LHFPL6: variants seen among roughly 807,000 people sequenced by gnomAD.
The protein encoded by LHFPL6 is LHFPL tetraspan subfamily member 6 protein.
A neutral mutation model predicts 20.6 loss-of-function variants in LHFPL6; 9 were observed. The ratio of observed to expected loss-of-function variants is 0.44; its 90% CI spans 0.26 to 0.76. The LOEUF is 0.76. LHFPL6 is among the 30% of genes least tolerant of loss of function. The pLI is 0.20. For missense variants in LHFPL6, 218 were observed against 253.5 expected, an observed-to-expected ratio of 0.86 and a Z score of 0.95; for synonymous variants, 105 against 98.7, an observed-to-expected ratio of 1.06 and a Z score of -0.38.
intron 2 of LHFPL6, among the ~76,000 whole-genome samples, chr13:39,503,696 G>A (rs1485212525): frequency 2.6e-5 from 4 of 152,118 alleles, no homozygotes; most frequent in East Asian, 1.9e-4. Context: ...TACACAATAC[G>A]TAACCTTACT....
At chr13:39,480,752 G>A (rs1308423524) in intron 2 of LHFPL6, among the ~76,000 whole-genome samples, 1 of 152,090 alleles carries the variant, frequency 6.6e-6, no homozygotes, top group Admixed American at 6.6e-5. Context: ...TTTTTACCAT[G>A]GCACAGACAC....
intron 2 of LHFPL6, among the ~76,000 whole-genome samples, chr13:39,511,636 CAGA>C (rs1403384731): frequency 6.6e-6 from 1 of 152,126 alleles, no homozygotes; most frequent in Non-Finnish European, 1.5e-5. Context: ...TTAACAATTA[CAGA>C]AGTTTTCCTT....
At chr13:39,441,669 T>C (rs1466808048) in intron 2 of LHFPL6, among the ~76,000 whole-genome samples, 1 of 150,114 alleles carries the variant, frequency 6.7e-6, no homozygotes, top group East Asian at 2.0e-4. Flanking sequence ...CATGCCACCA[T>C]GCCCAGCTAA....
chr13:39,418,902 T>C (rs1266333384), intron 2 of LHFPL6, among the ~76,000 whole-genome samples: 1 of 152,132 alleles, frequency 6.6e-6, no homozygotes, highest in Non-Finnish European at 1.5e-5. Flanking sequence ...GAGATAAAGG[T>C]GGGAAATGGG....
intron 2 of LHFPL6, among the ~76,000 whole-genome samples, chr13:39,468,443 A>G (rs376386044): frequency 8.9e-4 from 135 of 152,254 alleles, no homozygotes; most frequent in African/African-American, 3.0e-3. Context: ...TTGGTGCTCC[A>G]ATCAGCTGGA....
At chr13:39,506,631 A>G (rs1227549481) in intron 2 of LHFPL6, among the ~76,000 whole-genome samples, 1 of 152,138 alleles carries the variant, frequency 6.6e-6, no homozygotes, top group Non-Finnish European at 1.5e-5. Context: ...ACAGAGCTCC[A>G]TCATTCTGTC....
At chr13:39,380,221 C>T (rs1172808598) in intron 2 of LHFPL6, among the ~76,000 whole-genome samples, 1 of 152,128 alleles carries the variant, frequency 6.6e-6, no homozygotes, top group Non-Finnish European at 1.5e-5. Context: ...ATAGGTAGCA[C>T]CACTTTCTGA....
chr13:39,426,469 C>A (rs963902426), intron 2 of LHFPL6, among the ~76,000 whole-genome samples: 1 of 152,168 alleles, frequency 6.6e-6, no homozygotes, highest in Non-Finnish European at 1.5e-5. Flanking sequence ...ATCCACCCAC[C>A]TCGGCCTTCC....
intron 2 of LHFPL6, among the ~76,000 whole-genome samples, chr13:39,586,184 T>C (rs1193581242): frequency 6.6e-6 from 1 of 152,072 alleles, no homozygotes; most frequent in Non-Finnish European, 1.5e-5. Context: ...TATATATATA[T>C]ATACACATAC....
chr13:39,557,648 T>A (rs1871346514), intron 2 of LHFPL6, among the ~76,000 whole-genome samples: 1 of 152,250 alleles, frequency 6.6e-6, no homozygotes, highest in African/African-American at 2.4e-5. Context: ...GGGGGCCACA[T>A]GCAGAAAGAT....
chr13:39,531,234 G>T (rs1183176161), intron 2 of LHFPL6, among the ~76,000 whole-genome samples: 1 of 152,166 alleles, frequency 6.6e-6, no homozygotes, highest in Non-Finnish European at 1.5e-5. Flanking sequence ...CTAGTGACAT[G>T]ACTATTAGGA....
intron 2 of LHFPL6, among the ~76,000 whole-genome samples, chr13:39,463,206 A>G (rs543442964): frequency 5.9e-5 from 9 of 152,258 alleles, no homozygotes; most frequent in African/African-American, 2.2e-4. Flanking sequence ...CTTCATTTAT[A>G]TGTTTGGTAT....
intron 2 of LHFPL6, among the ~76,000 whole-genome samples, chr13:39,600,001 A>G (rs2138556737): frequency 6.6e-6 from 1 of 152,356 alleles, no homozygotes; most frequent in East Asian, 1.9e-4. Context: ...TAAATCAGAC[A>G]AGTTCAGCCA....
chr13:39,573,599 AC>A (rs1872005613), intron 2 of LHFPL6, among the ~76,000 whole-genome samples: 1 of 152,292 alleles, frequency 6.6e-6, no homozygotes, highest in South Asian at 2.1e-4. Flanking sequence ...ACATGGTATA[AC>A]TTTTTACAAA....
intron 2 of LHFPL6, among the ~76,000 whole-genome samples, chr13:39,472,404 G>C (rs1004181341): frequency 4.6e-5 from 7 of 151,990 alleles, no homozygotes; most frequent in Admixed American, 1.3e-4. Context: ...CACCAAGTGA[G>C]GTCCACAGAA....
intron 2 of LHFPL6, among the ~76,000 whole-genome samples, chr13:39,510,872 A>ATTTTTT (rs71245386): frequency 6.6e-6 from 1 of 150,466 alleles, no homozygotes; most frequent in Non-Finnish European, 1.5e-5. Context: ...ATTACTTTAA[A>ATTTTTT]TTTTTTTTTT....
intron 2 of LHFPL6, among the ~76,000 whole-genome samples, chr13:39,392,590 G>A (rs56232510): frequency 0.017 from 2,521 of 144,308 alleles, 64 homozygotes; most frequent in African/African-American, 0.061. Flanking sequence ...GCTAAACTCC[G>A]TCTCAAAACA....
At chr13:39,364,240 T>C (rs1869954258) in intron 3 of LHFPL6, among the ~76,000 whole-genome samples, 1 of 152,178 alleles carries the variant, frequency 6.6e-6, no homozygotes, top group African/African-American at 2.4e-5. Context: ...GAGAACTAGA[T>C]GTCCAGGTGA....
chr13:39,418,401 T>TTTTC (rs199555981), intron 2 of LHFPL6, among the ~76,000 whole-genome samples: 1,711 of 145,352 alleles, frequency 0.012, 49 homozygotes, highest in African/African-American at 0.041. Flanking sequence ...TTTTTTTTTT[T>TTTTC]CCAGAATGCC....
Sources: gnomAD v4.1 joint callset for allele counts (sites outside exome capture counted in the v4.1 genomes callset) on GRCh38, gnomAD v4.1.1 for gene constraint, MANE v1.5 for transcripts, NCBI Gene and HGNC (gene_info 2026-07-23, HGNC 2026-07-21) for gene names.